NBPF9: variants seen among roughly 807,000 people sequenced by gnomAD.
NBPF9 encodes the protein NBPF member 9, also known as NBPF family member NBPF9.
A neutral mutation model predicts 97.8 loss-of-function variants in NBPF9; 91 were observed. That is an observed-to-expected ratio of 0.93 (90% CI 0.79 to 1.11). NBPF9 has a LOEUF of 1.11. Among genes scored for constraint, NBPF9 ranks in the 50% least tolerant of loss-of-function variants. NBPF9 has a pLI of 0.00. For missense variants in NBPF9, 992 were observed against 939.5 expected (o/e 1.06, Z -0.73); for synonymous variants, 334 against 359.5 (o/e 0.93, Z 0.80).
chr1:149,076,673 T>A (rs1233332093), intron 11 of NBPF9, among the ~76,000 whole-genome samples: 1 of 149,652 alleles, frequency 6.7e-6, no homozygotes, highest in Non-Finnish European at 1.5e-5. Context: ...CAGCTATTTT[T>A]TTTTTTTTGC....
rs1205645134 is a variant in NBPF9 at position 149,077,010 on chromosome 1, G to A, written c.778+198C>T. On this transcript the variant is annotated intron_variant, in intron 11 of 29. Coordinates refer to ENST00000584027, the Ensembl canonical transcript of NBPF9. ...GGGTTTCACCATATTGTGTAGGCTG[G>A]TCTTCAACTCCTGAACTCAAGTCAT... Among the ~76,000 whole-genome samples the A allele has an allele frequency of 1.5e-3, 219 of 150,766 alleles. 3 individuals are homozygous for A. The highest frequency in any genetic ancestry group is 5.2e-3 in the African/African-American group (214 of 41,280).
At chr1:149,065,034 G>C (rs1180823938) in intron 18 of NBPF9, 3 of 566,860 alleles carry the variant, frequency 5.3e-6, no homozygotes, top group Non-Finnish European at 9.4e-6. Context: ...AGCGAACTTA[G>C]AAGACACAGA....
At chr1:149,061,128 C>T in intron 23 of NBPF9, 1 of 385,104 alleles carries the variant, frequency 2.6e-6, no homozygotes. Context: ...TCTGGTCCAC[C>T]TACAGTAGGT....
In NBPF9 at chr1:149,071,148, C is replaced by T. The variant is rs1553652864; in HGVS notation, c.1380-9G>A. ...CAGCCTTCTGCATCTCCCTGATGAG[C>T]CAGGTGGGACAGAGATGACAGAAGA... On this transcript the variant is annotated splice_polypyrimidine_tract_variant and intron_variant, in intron 15 of 29. Transcript: ENST00000584027. The T allele has an allele frequency of 2.0e-6, 3 of 1,490,518 alleles. No individual in the cohort carries two copies. Among genetic ancestry groups the T allele is most frequent in the African/African-American group, 2.8e-5 (2 of 72,034 alleles). The allele number at this position is 1,490,518 out of a possible 1,614,324, so 92.3% of individuals were successfully genotyped here.
chr1:149,065,201 T>A (rs1162528086), intron 18 of NBPF9: 1 of 684,886 alleles, frequency 1.5e-6, no homozygotes, highest in African/African-American at 1.8e-5. Flanking sequence ...TTAATTCAGA[T>A]GAGCTGATCT....
chr1:149,099,166 G>A (rs1393067489), intron 3 of NBPF9, among the ~76,000 whole-genome samples: 1 of 152,252 alleles, frequency 6.6e-6, no homozygotes, highest in Non-Finnish European at 1.5e-5. Flanking sequence ...TTCTGTTAGG[G>A]AATTAAGAGT....
intron 20 of NBPF9, among the ~76,000 whole-genome samples, chr1:149,063,416 A>G (rs1473780751): frequency 9.2e-5 from 13 of 141,088 alleles, no homozygotes; most frequent in East Asian, 3.0e-4. Flanking sequence ...AGGGCGCCAC[A>G]GGCATGGCCT....
At chr1:149,064,482 C>G (rs1268216751) in exon 19 of NBPF9, 14 of 1,489,714 alleles carry the variant, frequency 9.4e-6, no homozygotes, top group Non-Finnish European at 1.3e-5. Context: ...CCACCGATGT[C>G]CTGCAAATAA....
chr1:149,074,625 G>A (rs1397440778), intron 12 of NBPF9, among the ~76,000 whole-genome samples: 48 of 147,622 alleles, frequency 3.3e-4, no homozygotes, highest in South Asian at 4.4e-4. Context: ...GACAAGACAA[G>A]CAACTTGGAT....
intron 4 of NBPF9, among the ~76,000 whole-genome samples, chr1:149,097,527 G>A (rs1395097318): frequency 3.9e-5 from 6 of 152,218 alleles, no homozygotes; most frequent in African/African-American, 1.2e-4. Flanking sequence ...CCAGCTGCAG[G>A]TGGGGGCCTC....
chr1:149,064,536 C>A (rs2078898971), intron 18 of NBPF9, 54 bp from the exon 19 acceptor site: 18 of 1,311,728 alleles, frequency 1.4e-5, no homozygotes, highest in Non-Finnish European at 1.9e-5. Context: ...TCCTTGCACA[C>A]AGAAACATTC....
At position 149,093,765 on chromosome 1, in the gene NBPF9, AG is replaced by A. The variant is rs1277787975; in HGVS notation, c.-336-2872del. ...GTCTCAAGGCAAAAGAATTTTTCTT[AG>A]TACAGAACAAAATGGAGTCTCTTAT... On this transcript the variant is annotated intron_variant, in intron 4 of 29. Coordinates refer to ENST00000584027, the Ensembl canonical transcript of NBPF9. 1.2e-3 allele frequency among the ~76,000 whole-genome samples: 150 copies of A among 125,474 alleles called. 3 individuals carry two copies. Among genetic ancestry groups the A allele is most frequent in the African/African-American group, 4.4e-3 (137 of 31,050 alleles). The allele number at this position is 125,474 out of a possible 152,430, so 82.3% of individuals were successfully genotyped here.
At chr1:149,099,710 G>A (rs1213710705) in intron 3 of NBPF9, among the ~76,000 whole-genome samples, 31 of 152,176 alleles carry the variant, frequency 2.0e-4, no homozygotes, top group African/African-American at 5.5e-4. Flanking sequence ...AATGGCCAGC[G>A]GTGATGGCTT....
exon 7 of NBPF9, chr1:149,082,140 G>A (rs2152909319): frequency 3.1e-6 from 5 of 1,611,992 alleles, no homozygotes; most frequent in Non-Finnish European, 4.2e-6. Context: ...ATACCACCAT[G>A]CTGACGTTTG....
chr1:149,089,727 T>C (rs2081293287), intron 5 of NBPF9, among the ~76,000 whole-genome samples: 1 of 152,310 alleles, frequency 6.6e-6, no homozygotes, highest in South Asian at 2.1e-4. Flanking sequence ...GATATTGTTA[T>C]TTTCAACTGT....
chr1:149,096,455 G>C (rs1268701853), intron 4 of NBPF9, among the ~76,000 whole-genome samples: 1 of 7,868 alleles, frequency 1.3e-4, no homozygotes, highest in African/African-American at 6.2e-4. Flanking sequence ...GAGGACAGGG[G>C]AGCCTAGGAG....
chr1:149,103,262 C>T (rs1375351068), intron 1 of NBPF9, 39 bp downstream of exon 1: 4 of 151,220 alleles, frequency 2.6e-5, no homozygotes, highest in Non-Finnish European at 4.4e-5. Context: ...CCGCGGGTCC[C>T]GGACTCACCG....
At chr1:149,087,304 T>C (rs1170894768) in intron 5 of NBPF9, among the ~76,000 whole-genome samples, 5 of 150,650 alleles carry the variant, frequency 3.3e-5, no homozygotes, top group Non-Finnish European at 7.4e-5. Context: ...GAGATGATAA[T>C]CTTCAAAACG....
intron 5 of NBPF9, among the ~76,000 whole-genome samples, chr1:149,086,228 C>T (rs1298851258): frequency 2.0e-5 from 3 of 149,950 alleles, no homozygotes; most frequent in African/African-American, 7.3e-5. Flanking sequence ...CACAGGCCTC[C>T]CTAACAACTG....
Sources: allele counts gnomAD v4.1 joint callset (sites outside exome capture counted in the v4.1 genomes callset), GRCh38; gene constraint gnomAD v4.1.1; transcripts MANE v1.5; gene names NCBI Gene and HGNC (gene_info 2026-07-23, HGNC 2026-07-21).